THSD7B: variants seen among roughly 807,000 people sequenced by gnomAD.
THSD7B encodes thrombospondin type 1 domain containing 7B, also known as thrombospondin type-1 domain-containing protein 7B.
A neutral mutation model predicts 213.6 loss-of-function variants in THSD7B; 138 were observed. The ratio of observed to expected loss-of-function variants is 0.65; its 90% confidence interval spans 0.56 to 0.74. The LOEUF (loss-of-function observed/expected upper bound fraction) is 0.74, where lower values mean the gene tolerates loss of function less well. THSD7B is among the 30% of genes least tolerant of loss of function. The pLI is 0.00. For synonymous variants in THSD7B, 742 were observed against 687.0 expected, an observed-to-expected ratio of 1.08 and a Z score of -1.25; for missense variants, 1,931 against 1,991.5, an observed-to-expected ratio of 0.97 and a Z score of 0.58.
chr2:137,462,114 T>G (rs891120384), intron 15 of THSD7B, among the ~76,000 whole-genome samples: 18 of 152,096 alleles, frequency 1.2e-4, no homozygotes, highest in African/African-American at 4.1e-4. Flanking sequence ...TTTTACATTG[T>G]GCAGCATCCT....
chr2:136,982,243 C>G (rs577228005), intron 2 of THSD7B, among the ~76,000 whole-genome samples: 1 of 152,100 alleles, frequency 6.6e-6, no homozygotes, highest in African/African-American at 2.4e-5. Context: ...CTTGGTTTCT[C>G]TCTCCAAAAT....
chr2:137,195,034 A>G (rs973354129), intron 7 of THSD7B, among the ~76,000 whole-genome samples: 3 of 152,054 alleles, frequency 2.0e-5, no homozygotes, highest in African/African-American at 7.2e-5. Flanking sequence ...GAAAGATGCT[A>G]TCTTTAGGAC....
intron 17 of THSD7B, among the ~76,000 whole-genome samples, chr2:137,589,965 C>G (rs1484706959): frequency 6.6e-6 from 1 of 152,110 alleles, no homozygotes; most frequent in African/African-American, 2.4e-5. Context: ...ACCACATAAG[C>G]TGCCAGTTGT....
At chr2:137,605,189 A>C (rs1573738565) in intron 17 of THSD7B, among the ~76,000 whole-genome samples, 1 of 152,240 alleles carries the variant, frequency 6.6e-6, no homozygotes, top group Non-Finnish European at 1.5e-5. Context: ...AGGCAAGTAC[A>C]TAGTGATGCT....
intron 2 of THSD7B, among the ~76,000 whole-genome samples, chr2:136,893,928 A>G (rs1168104346): frequency 1.3e-5 from 2 of 152,204 alleles, no homozygotes; most frequent in Non-Finnish European, 2.9e-5. Context: ...AATACAAATT[A>G]ACCATCTCAG....
At chr2:137,357,554 T>G (rs1207599690) in intron 12 of THSD7B, among the ~76,000 whole-genome samples, 1 of 152,196 alleles carries the variant, frequency 6.6e-6, no homozygotes, top group Non-Finnish European at 1.5e-5. Flanking sequence ...ATATGTTTAG[T>G]GTTCTTTCTT....
At chr2:136,990,848 A>G in intron 2 of THSD7B, 1 of 1,314,644 alleles carries the variant, frequency 7.6e-7, no homozygotes, top group South Asian at 1.2e-5. Flanking sequence ...CATTTTCACA[A>G]ATTAAAATTC....
At chr2:137,248,422 A>G (rs1021198656) in intron 10 of THSD7B, among the ~76,000 whole-genome samples, 2 of 152,218 alleles carry the variant, frequency 1.3e-5, no homozygotes, top group African/African-American at 4.8e-5. Flanking sequence ...TTGTTGAATG[A>G]ATGAATAAAT....
In THSD7B at chr2:137,369,184, A is replaced by G. The variant is rs549413729; in HGVS notation, c.2501-36429A>G. ...ATATATATATTTTTGACAACTTTAGACACTATTTGGCATTGCATCCCTTTT... is the reference window on the plus strand; with the variant it reads ...ATATATATATTTTTGACAACTTTAGGCACTATTTGGCATTGCATCCCTTTT... On this transcript the variant is annotated intron_variant, in intron 12 of 27. Transcript: ENST00000409968. 1.3e-5 allele frequency among the ~76,000 whole-genome samples: 2 copies of G among 151,962 alleles called. 1 individual carries two copies. The highest frequency in any genetic ancestry group is 4.8e-5 in the African/African-American group (2 of 41,442).
At chr2:136,769,277 C>A (rs957901714) in intron 1 of THSD7B, among the ~76,000 whole-genome samples, 1 of 152,182 alleles carries the variant, frequency 6.6e-6, no homozygotes, top group African/African-American at 2.4e-5. Context: ...TGCTTTCATT[C>A]TAAGCCATGA....
chr2:136,952,511 A>C lies in THSD7B; in HGVS notation c.139+70194A>C, dbSNP rs138337368. ...AAATATCTGAGATGATTTAATCTCA[A>C]ACTCGCTCAGTGGCAGAGGACTTAT... On this transcript the variant is annotated intron_variant, in intron 2 of 27. Transcript: ENST00000409968. Among the ~76,000 whole-genome samples the C allele has an allele frequency of 2.0e-5, 3 of 150,618 alleles. No individual in the cohort carries two copies. The South Asian group carries it at 6.3e-4, about 31-fold the overall frequency.
intron 2 of THSD7B, among the ~76,000 whole-genome samples, chr2:137,027,174 C>A (rs1558892014): frequency 6.6e-6 from 1 of 152,182 alleles, no homozygotes; most frequent in Non-Finnish European, 1.5e-5. Flanking sequence ...CAAGCCCACA[C>A]TTCTATATTT....
intron 2 of THSD7B, among the ~76,000 whole-genome samples, chr2:137,054,124 C>CTTATTG (rs1229206716): frequency 6.6e-6 from 1 of 152,160 alleles, no homozygotes; most frequent in Non-Finnish European, 1.5e-5. Flanking sequence ...ATCTACATTA[C>CTTATTG]CAGAATTGTG....
At chr2:137,075,517 T>A (rs1216700770) in intron 3 of THSD7B, among the ~76,000 whole-genome samples, 1 of 152,200 alleles carries the variant, frequency 6.6e-6, no homozygotes, top group African/African-American at 2.4e-5. Flanking sequence ...TTAACTTCTT[T>A]CCCATTGGTT....
chr2:137,330,325 T>C (rs1684472764), intron 12 of THSD7B, among the ~76,000 whole-genome samples: 3 of 152,114 alleles, frequency 2.0e-5, no homozygotes, highest in Admixed American at 2.0e-4. Flanking sequence ...GACCCCAGAA[T>C]GGTAGACCTG....
intron 15 of THSD7B, among the ~76,000 whole-genome samples, chr2:137,473,093 G>GTT (rs772865121): frequency 0.022 from 2,889 of 132,924 alleles, 89 homozygotes; most frequent in African/African-American, 0.074. Flanking sequence ...ACTATTAATT[G>GTT]TTTTTTTTTT....
intron 14 of THSD7B, among the ~76,000 whole-genome samples, chr2:137,428,092 TACAAG>T (rs1304817227): frequency 2.0e-5 from 3 of 152,122 alleles, no homozygotes; most frequent in South Asian, 2.1e-4. Flanking sequence ...AAATAATTCT[TACAAG>T]ACAACAAATA....
intron 13 of THSD7B, among the ~76,000 whole-genome samples, chr2:137,409,883 A>G (rs751178548): frequency 6.6e-6 from 1 of 152,188 alleles, no homozygotes; most frequent in Non-Finnish European, 1.5e-5. Context: ...GGAATAAAAG[A>G]TATTCCAGGG....
chr2:136,927,935 G>T (rs1684567983), intron 2 of THSD7B, among the ~76,000 whole-genome samples: 1 of 152,152 alleles, frequency 6.6e-6, no homozygotes, highest in Non-Finnish European at 1.5e-5. Flanking sequence ...GTCATCTCCA[G>T]GTTTGGAAGT....
Sources: gnomAD v4.1 joint callset for allele counts (sites outside exome capture counted in the v4.1 genomes callset) on GRCh38, gnomAD v4.1.1 for gene constraint, MANE v1.5 for transcripts, NCBI Gene and HGNC (gene_info 2026-07-23, HGNC 2026-07-21) for gene names.